SEMA6D: variants seen among roughly 807,000 people sequenced by gnomAD.
SEMA6D encodes the protein semaphorin-6D.
SEMA6D carries 35 observed loss-of-function variants against 106.6 expected under a neutral mutation model. The ratio of observed to expected loss-of-function variants is 0.33; its 90% confidence interval spans 0.25 to 0.44. The LOEUF (loss-of-function observed/expected upper bound fraction) is 0.44. SEMA6D is among the 20% of genes least tolerant of loss of function. The pLI is 1.00. For synonymous variants in SEMA6D, 499 were observed against 487.7 expected, an observed-to-expected ratio of 1.02 and a Z score of -0.31; for missense variants, 1,185 against 1,345.9, an observed-to-expected ratio of 0.88 and a Z score of 1.87.
Position 47,771,622 on chromosome 15 carries a change from A to T in SEMA6D, c.3059A>T (p.His1020Leu), listed in dbSNP as rs201345219. 8 of 1,614,032 alleles carry T rather than the reference A, an allele frequency of 5.0e-6. No homozygotes were observed. The highest frequency in any genetic ancestry group is 1.1e-5 in the South Asian group (1 of 91,086). The change falls in exon 19 of 19, where the codon CAT becomes CTT. Residue 1020 changes from histidine to leucine, a missense_variant. His to Leu is a moderately conservative substitution (Grantham distance 99). This residue lies in a region of SEMA6D where 750 missense variants were observed against 783.5 expected (regional missense o/e 0.96). Transcript: ENST00000536845. Reference sequence around the variant, plus strand: ...ATTCAGGGAACACCAGTGAGTGTTCATCTGCAGCCTTCCCTCTCCAGACAG... The same window carrying T: ...ATTCAGGGAACACCAGTGAGTGTTCTTCTGCAGCCTTCCCTCTCCAGACAG... ...DYIQGTPVSV[H>L]LQPSLSRQSS...
At chr15:47,254,921 G>A (rs960289611) in intron 1 of SEMA6D, among the ~76,000 whole-genome samples, 3 of 147,876 alleles carry the variant, frequency 2.0e-5, no homozygotes, top group African/African-American at 7.5e-5. Context: ...GTGTGTCCTT[G>A]TCTAGTTTTG....
At chr15:47,368,540 G>A (rs1032471207) in intron 1 of SEMA6D, among the ~76,000 whole-genome samples, 2 of 151,780 alleles carry the variant, frequency 1.3e-5, no homozygotes, top group East Asian at 1.9e-4. Flanking sequence ...GCGGGATCTC[G>A]GCTCACTGCA....
chr15:47,305,533 C>T (rs558456590), intron 1 of SEMA6D, among the ~76,000 whole-genome samples: 22 of 152,304 alleles, frequency 1.4e-4, no homozygotes, highest in African/African-American at 5.3e-4. Flanking sequence ...AAAAATAAGG[C>T]TGTTTTCTAT....
chr15:47,443,615 T>C (rs1412599093), intron 2 of SEMA6D, among the ~76,000 whole-genome samples: 31 of 152,052 alleles, frequency 2.0e-4, no homozygotes, highest in Admixed American at 2.0e-3. Flanking sequence ...TTACAAACCA[T>C]GGGAGATAAC....
intron 4 of SEMA6D, among the ~76,000 whole-genome samples, chr15:47,695,999 G>A (rs924347220): frequency 4.6e-5 from 7 of 152,122 alleles, no homozygotes; most frequent in South Asian, 2.1e-4. Flanking sequence ...CATATTTACC[G>A]ATGTGCATGT....
intron 1 of SEMA6D, among the ~76,000 whole-genome samples, chr15:47,353,903 G>A (rs1489777862): frequency 6.6e-6 from 1 of 152,016 alleles, no homozygotes; most frequent in Non-Finnish European, 1.5e-5. Flanking sequence ...ACTTAGAGAC[G>A]AGATGTGCAG....
chr15:47,470,994 T>C (rs1400665443), intron 3 of SEMA6D, among the ~76,000 whole-genome samples: 1 of 152,162 alleles, frequency 6.6e-6, no homozygotes, highest in Non-Finnish European at 1.5e-5. Context: ...CCTTGTCTGT[T>C]AAGCAGCCAC....
intron 1 of SEMA6D, among the ~76,000 whole-genome samples, chr15:47,373,015 A>T (rs780227805): frequency 8.5e-5 from 13 of 152,254 alleles, no homozygotes; most frequent in Non-Finnish European, 1.6e-4. Context: ...AAGAACACAC[A>T]GGCATGAAAT....
chr15:47,505,621 G>A (rs2044013992), intron 3 of SEMA6D, among the ~76,000 whole-genome samples: 1 of 152,160 alleles, frequency 6.6e-6, no homozygotes. Flanking sequence ...TACTTAGGAG[G>A]AGAGAGTCAG....
chr15:47,458,539 GA>G (rs1468763996), intron 2 of SEMA6D, among the ~76,000 whole-genome samples: 15 of 150,494 alleles, frequency 1.0e-4, no homozygotes, highest in African/African-American at 3.7e-4. Context: ...ATTAAATTAG[GA>G]ATTAATAGTA....
intron 3 of SEMA6D, among the ~76,000 whole-genome samples, chr15:47,521,177 A>G (rs917930285): frequency 1.3e-5 from 2 of 152,114 alleles, no homozygotes; most frequent in African/African-American, 4.8e-5. Context: ...CATTCACATG[A>G]CCTGGCTGAA....
chr15:47,571,958 G>A (rs1487971532), intron 3 of SEMA6D, among the ~76,000 whole-genome samples: 1 of 152,164 alleles, frequency 6.6e-6, no homozygotes, highest in Admixed American at 6.5e-5. Flanking sequence ...TTTCTGGTTG[G>A]AATTGAGTTT....
At chr15:47,647,719 C>CAAAAAAAAAAAAAAAAAAAAAAAA (rs777557315) in intron 4 of SEMA6D, among the ~76,000 whole-genome samples, 1 of 93,778 alleles carries the variant, frequency 1.1e-5, no homozygotes, top group Non-Finnish European at 2.6e-5. Flanking sequence ...CAATTGTGGG[C>CAAAAAAAAAAAAAAAAAAAAAAAA]AAAAAAAAAA....
intron 2 of SEMA6D, among the ~76,000 whole-genome samples, chr15:47,442,482 CAGCTA>C (rs1051149033): frequency 2.0e-5 from 3 of 152,036 alleles, no homozygotes; most frequent in African/African-American, 7.2e-5. Flanking sequence ...TCACTGCCAC[CAGCTA>C]GTCATATGAC....
intron 1 of SEMA6D, among the ~76,000 whole-genome samples, chr15:47,314,391 G>T (rs1047166638): frequency 1.3e-5 from 2 of 151,348 alleles, no homozygotes; most frequent in African/African-American, 4.9e-5. Context: ...GAGGTCAGGA[G>T]ATCGAGACCA....
At chr15:47,275,137 A>T (rs903364878) in intron 1 of SEMA6D, 2 of 152,198 alleles carry the variant, frequency 1.3e-5, no homozygotes, top group Non-Finnish European at 1.5e-5. Flanking sequence ...AAGAAACAAC[A>T]CTAACAGATT....
chr15:47,475,444 CA>C (rs1347687988), intron 3 of SEMA6D, among the ~76,000 whole-genome samples: 5 of 152,170 alleles, frequency 3.3e-5, no homozygotes, highest in Non-Finnish European at 5.9e-5. Context: ...ATCTGATTTT[CA>C]TTTTTCTGTA....
At chr15:47,323,630 G>A (rs1382492309) in intron 1 of SEMA6D, among the ~76,000 whole-genome samples, 1 of 152,154 alleles carries the variant, frequency 6.6e-6, no homozygotes, top group African/African-American at 2.4e-5. Context: ...CTGGCAGCTT[G>A]ATTTTCAGGC....
chr15:47,216,258 A>G (rs1381958013), intron 1 of SEMA6D, among the ~76,000 whole-genome samples: 3 of 152,146 alleles, frequency 2.0e-5, no homozygotes, highest in Non-Finnish European at 4.4e-5. Flanking sequence ...TAAAGTATTT[A>G]TTTACTAATT....
Sources: allele counts gnomAD v4.1 joint callset (sites outside exome capture counted in the v4.1 genomes callset), GRCh38; gene constraint gnomAD v4.1.1; regional missense constraint gnomAD v4.1.1; transcripts MANE v1.5; gene names NCBI Gene and HGNC (gene_info 2026-07-23, HGNC 2026-07-21).